EHD2: variants seen among roughly 807,000 people sequenced by gnomAD.
The protein encoded by EHD2 is EH domain-containing protein 2.
In EHD2, 27 loss-of-function variants were observed where a neutral mutation model predicts 41.0. The ratio of observed to expected loss-of-function variants is 0.66; its 90% CI spans 0.49 to 0.91. The LOEUF (loss-of-function observed/expected upper bound fraction) is 0.91, where lower values mean the gene tolerates loss of function less well. Ranked by LOEUF, EHD2 falls within the 40% of genes least tolerant of loss-of-function variation. The pLI is 0.00. For synonymous variants in EHD2, 342 were observed against 341.0 expected (o/e 1.00, Z -0.03); for missense variants, 673 against 773.9 (o/e 0.87, Z 1.55).
rs758807685 is a variant in EHD2, at chr19:47,716,704, C to T, written c.92C>T (p.Thr31Met). The change falls in exon 2 of 6, where the codon ACG becomes ATG. Residue 31 changes from threonine (T) to methionine (M), a missense_variant. Transcript: ENST00000263277. ...VTSALKELYR[T>M]KLLPLEEHYR... Reference sequence around the variant, plus strand: ...TCGGCCCTCAAGGAGCTGTACCGCACGAAGCTGCTGCCGCTGGAGGAGCAC... The same window carrying T: ...TCGGCCCTCAAGGAGCTGTACCGCATGAAGCTGCTGCCGCTGGAGGAGCAC... 4.7e-5 allele frequency: 75 copies of T among 1,612,430 alleles called. No homozygotes were observed. In the Admixed American group the frequency reaches 6.5e-4, roughly 14 times the overall value.
At chr19:47,715,511 GC>G (rs1483051792) in intron 1 of EHD2, among the ~76,000 whole-genome samples, 2 of 152,132 alleles carry the variant, frequency 1.3e-5, no homozygotes, top group Non-Finnish European at 2.9e-5. Context: ...CTTACTGGGG[GC>G]CCTGGGTGGG....
At chr19:47,731,833 G>T in intron 4 of EHD2, among the ~76,000 whole-genome samples, 1 of 146,368 alleles carries the variant, frequency 6.8e-6, no homozygotes, top group South Asian at 2.2e-4. Flanking sequence ...TGTCGCCTAG[G>T]CTGGAGTGCA....
At position 47,735,397 on chromosome 19, in the gene EHD2, C is replaced by T. The variant is rs1236662156; in HGVS notation, c.916-972C>T. ...CCCAGCAGGAGGAGGCCATGAGGCT[C>T]ACAGTGTGGCACCTCCGCCTGCAGC... On this transcript the variant is annotated intron_variant, in intron 4 of 5. Transcript: ENST00000263277. Among the ~76,000 whole-genome samples the T allele has an allele frequency of 4.6e-5, 7 of 152,248 alleles. No homozygotes were observed. The East Asian group carries it at 1.2e-3, about 25-fold the overall frequency.
intron 3 of EHD2, among the ~76,000 whole-genome samples, chr19:47,722,601 T>C (rs892219267): frequency 4.0e-5 from 6 of 151,846 alleles, no homozygotes; most frequent in African/African-American, 1.2e-4. Flanking sequence ...GTTTCGCTCT[T>C]GTTGCCCAGG....
chr19:47,723,653 G>GAA (rs11407002), intron 3 of EHD2, among the ~76,000 whole-genome samples: 2,864 of 71,114 alleles, frequency 0.04, 154 homozygotes, highest in African/African-American at 0.085. Context: ...GACTCCGTCT[G>GAA]AAAAAAAAAA....
At chr19:47,729,263 A>G (rs1414297485) in intron 4 of EHD2, among the ~76,000 whole-genome samples, 1 of 152,088 alleles carries the variant, frequency 6.6e-6, no homozygotes, top group Non-Finnish European at 1.5e-5. Context: ...CCCAGTGTAG[A>G]CAGTGTGCTA....
In EHD2 at chr19:47,736,425, G is replaced by A; in HGVS notation, c.972G>A (p.Lys324=). The A allele has an allele frequency of 6.2e-7, 1 of 1,613,226 alleles. No homozygotes were observed. Among genetic ancestry groups the A allele is most frequent in the South Asian group, 1.1e-5 (1 of 90,804 alleles). ...AGGAGATGCCCTCTGTGTTTGGGAA[G>A]GAGAACAAGAAGAAGCAGCTGATCC... is the stretch of plus-strand genomic sequence containing the variant. ...LKKEMPSVFG[K]ENKKKQLILK... is the part of the protein sequence containing the mutation. The change falls in exon 5 of 6, where the codon AAG becomes AAA. Residue 324 remains lysine, a synonymous_variant. Coordinates refer to ENST00000263277, the MANE Select transcript of EHD2 (RefSeq NM_014601.4).
In EHD2 at chr19:47,741,573, A is replaced by G. The variant is rs1261347343; in HGVS notation, c.*141A>G. ...GGGGGTCTCCCTCCTCACTACCGCC[A>G]GACACCCCGGTGGAAGCATTTAGAG... On this transcript the variant is annotated 3_prime_UTR_variant, in exon 6 of 6. Coordinates refer to ENST00000263277, the MANE Select transcript of EHD2 (RefSeq NM_014601.4). The surrounding 1 kb of genome is among the most constrained non-coding windows in gnomAD (Gnocchi z 4.5). 4 of 983,192 alleles carry G rather than the reference A, an allele frequency of 4.1e-6. No homozygotes were observed. The highest frequency in any genetic ancestry group is 5.9e-6 in the Non-Finnish European group (4 of 681,606). The allele number at this position is 983,192 out of a possible 1,614,324, so 60.9% of individuals were successfully genotyped here. A position where few individuals can be genotyped will look rare whatever the true frequency, so the allele number is the denominator to read the frequency against.
Position 47,741,839 on chromosome 19 carries a change from C to A in EHD2, c.*407C>A. ...AAGGTGACGTTCCCAGGAGAGGGCA[C>A]CTACACAGTCACGCAAACACACACT... On this transcript the variant is annotated 3_prime_UTR_variant, in exon 6 of 6. Transcript: ENST00000263277. The surrounding 1 kb of genome is among the most constrained non-coding windows in gnomAD (Gnocchi z 4.5). 1 of 470,146 alleles carries A rather than the reference C, an allele frequency of 2.1e-6. No homozygotes were observed. Among genetic ancestry groups the A allele is most frequent in the Non-Finnish European group, 4.2e-6 (1 of 236,524 alleles). 29.1% of individuals were successfully genotyped at this position (470,146 alleles called of 1,614,324 possible). A position where few individuals can be genotyped will look rare whatever the true frequency, so the allele number is the denominator to read the frequency against.
At chr19:47,714,586 T>C (rs1168745060) in intron 1 of EHD2, among the ~76,000 whole-genome samples, 1 of 152,142 alleles carries the variant, frequency 6.6e-6, no homozygotes, top group East Asian at 1.9e-4. Context: ...GGGTTGGTCA[T>C]GGCTAACCTC....
intron 1 of EHD2, among the ~76,000 whole-genome samples, chr19:47,714,418 C>T (rs565019738): frequency 2.2e-4 from 33 of 152,212 alleles, no homozygotes; most frequent in African/African-American, 7.2e-4. Flanking sequence ...GGGGAGCAAT[C>T]GTTTTTGTTT....
chr19:47,733,528 A>T (rs1476997619), intron 4 of EHD2, among the ~76,000 whole-genome samples: 5 of 150,888 alleles, frequency 3.3e-5, no homozygotes. Flanking sequence ...AAAAATTATC[A>T]TGGTGGCGGG....
At chr19:47,725,141 G>T (rs958752739) in intron 3 of EHD2, among the ~76,000 whole-genome samples, 2 of 151,904 alleles carry the variant, frequency 1.3e-5, no homozygotes, top group Non-Finnish European at 2.9e-5. Flanking sequence ...AGGCTTGGGG[G>T]TTCCATAGAA....
intron 3 of EHD2, among the ~76,000 whole-genome samples, chr19:47,723,611 G>GCGC (rs1243178514): frequency 7.0e-6 from 1 of 142,000 alleles, no homozygotes; most frequent in Non-Finnish European, 1.5e-5. Flanking sequence ...ACCTGAGATC[G>GCGC]CGCCACTGCA....
chr19:47,721,069 A>T (rs1973690250), intron 3 of EHD2, among the ~76,000 whole-genome samples: 1 of 151,898 alleles, frequency 6.6e-6, no homozygotes, highest in African/African-American at 2.4e-5. Context: ...GTGACCACAA[A>T]CATCTGTGTA....
chr19:47,718,832 C>T (rs1973663782), intron 3 of EHD2, among the ~76,000 whole-genome samples: 2 of 140,902 alleles, frequency 1.4e-5, no homozygotes, highest in African/African-American at 5.4e-5. Context: ...GGCTGGGGGC[C>T]TGGACTCCTG....
intron 2 of EHD2, 45 bp downstream of exon 2, chr19:47,717,061 G>C (rs1189473921): frequency 6.3e-7 from 1 of 1,596,936 alleles, no homozygotes; most frequent in African/African-American, 1.3e-5. Context: ...TTTTCTTTTT[G>C]TTAAGACAGA....
At chr19:47,723,797 C>T (rs1433360256) in intron 3 of EHD2, among the ~76,000 whole-genome samples, 1 of 151,902 alleles carries the variant, frequency 6.6e-6, no homozygotes, top group Non-Finnish European at 1.5e-5. Flanking sequence ...CTTGCTTCCT[C>T]CTCCTGAGTA....
At chr19:47,718,851 G>A (rs1254898689) in intron 3 of EHD2, among the ~76,000 whole-genome samples, 2 of 149,744 alleles carry the variant, frequency 1.3e-5, no homozygotes, top group African/African-American at 4.9e-5. Flanking sequence ...TGGGTCTGAG[G>A]GAGGAGGGAC....
Sources: gnomAD v4.1 joint callset for allele counts (sites outside exome capture counted in the v4.1 genomes callset) on GRCh38, gnomAD v4.1.1 for gene constraint, Gnocchi (gnomAD v3.1) non-coding constraint, MANE v1.5 for transcripts, NCBI Gene and HGNC (gene_info 2026-07-23, HGNC 2026-07-21) for gene names.